XKR9: variants seen among roughly 807,000 people sequenced by gnomAD.
XKR9 encodes XK-related protein 9.
XKR9 carries 32 observed loss-of-function variants against 32.0 expected under a neutral mutation model. The observed-to-expected ratio is 1.00, with a 90% confidence interval of 0.76 to 1.34. The LOEUF (loss-of-function observed/expected upper bound fraction) is 1.34. Among genes scored for constraint, XKR9 ranks in the 40% most tolerant of loss-of-function variants. The probability of loss-of-function intolerance (pLI) is 0.00; values close to 1 mark genes in which losing one functional copy is unlikely to be tolerated. For missense variants in XKR9, 546 were observed against 429.7 expected, an observed-to-expected ratio of 1.27 and a Z score of -2.39; for synonymous variants, 168 against 143.4, an observed-to-expected ratio of 1.17 and a Z score of -1.22.
At chr8:70,773,041 T>G (rs1807474755) in intron 2 of XKR9, among the ~76,000 whole-genome samples, 1 of 152,218 alleles carries the variant, frequency 6.6e-6, no homozygotes, top group South Asian at 2.1e-4. Flanking sequence ...TGTAGATGTA[T>G]ATTTGTGATA....
At chr8:70,977,119 T>C in the XKR9 span, among the ~76,000 whole-genome samples, 2 of 152,204 alleles carry the variant, frequency 1.3e-5, no homozygotes, top group African/African-American at 4.8e-5. Flanking sequence ...TTCTTCTTTG[T>C]TAGTCTTGCT....
the XKR9 span, among the ~76,000 whole-genome samples, chr8:71,003,331 A>G: frequency 6.6e-6 from 1 of 152,240 alleles, no homozygotes; most frequent in Admixed American, 6.5e-5. Flanking sequence ...AATAACGAGC[A>G]ATTCTTCAAC....
chr8:70,922,954 C>T, the XKR9 span, among the ~76,000 whole-genome samples: 684 of 152,314 alleles, frequency 4.5e-3, 4 homozygotes, highest in African/African-American at 0.015. Flanking sequence ...GATCAACTAA[C>T]GATTAAGATA....
chr8:70,996,290 A>G, the XKR9 span, among the ~76,000 whole-genome samples: 1 of 152,174 alleles, frequency 6.6e-6, no homozygotes, highest in Non-Finnish European at 1.5e-5. Flanking sequence ...GTGTTATAAA[A>G]ATTATGTAAC....
chr8:70,721,472 G>C (rs1376304016), intron 4 of XKR9, among the ~76,000 whole-genome samples: 1 of 152,028 alleles, frequency 6.6e-6, no homozygotes, highest in Admixed American at 6.6e-5. Context: ...CACTGTTTTA[G>C]CTGTGTCCCA....
the XKR9 span, among the ~76,000 whole-genome samples, chr8:70,815,805 G>T: frequency 1.3e-5 from 2 of 152,036 alleles, no homozygotes; most frequent in Non-Finnish European, 2.9e-5. Flanking sequence ...GATTACAGTC[G>T]TGAGCTACTG....
At chr8:70,963,533 G>A in the XKR9 span, among the ~76,000 whole-genome samples, 1 of 152,156 alleles carries the variant, frequency 6.6e-6, no homozygotes, top group African/African-American at 2.4e-5. Context: ...GATCTTTGAG[G>A]AATAGCCACA....
chr8:71,065,579 A>G, the XKR9 span, among the ~76,000 whole-genome samples: 125 of 152,362 alleles, frequency 8.2e-4, 3 homozygotes, highest in South Asian at 7.7e-3. Flanking sequence ...TCTCTATTTA[A>G]ACTAAAAGAG....
At chr8:70,788,178 T>C (rs1012748181) in intron 2 of XKR9, among the ~76,000 whole-genome samples, 1 of 152,108 alleles carries the variant, frequency 6.6e-6, no homozygotes, top group Non-Finnish European at 1.5e-5. Flanking sequence ...CACAGTTTCC[T>C]GTGGTAAATA....
At chr8:70,950,531 A>G in the XKR9 span, among the ~76,000 whole-genome samples, 1 of 152,146 alleles carries the variant, frequency 6.6e-6, no homozygotes. Flanking sequence ...GAACAGAGCC[A>G]TGGGCAGGTG....
chr8:71,052,484 A>G, the XKR9 span, among the ~76,000 whole-genome samples: 1 of 151,994 alleles, frequency 6.6e-6, no homozygotes, highest in Admixed American at 6.6e-5. Context: ...GGAATCCAGG[A>G]CTCTGACATT....
At chr8:70,729,731 T>A (rs1275061011) in intron 4 of XKR9, among the ~76,000 whole-genome samples, 1 of 152,206 alleles carries the variant, frequency 6.6e-6, no homozygotes, top group Admixed American at 6.5e-5. Flanking sequence ...TGACATCATA[T>A]ACTAAGTCAT....
chr8:70,792,617 G>A (rs1248000745), downstream of XKR9, among the ~76,000 whole-genome samples: 4 of 152,212 alleles, frequency 2.6e-5, no homozygotes, highest in African/African-American at 7.2e-5. Context: ...AGGGCTTTAA[G>A]GAGCCTGACA....
At chr8:70,909,996 C>T in the XKR9 span, among the ~76,000 whole-genome samples, 1 of 151,888 alleles carries the variant, frequency 6.6e-6, no homozygotes, top group Non-Finnish European at 1.5e-5. Context: ...GCATGAGGCA[C>T]CATGACCGGC....
chr8:70,699,656 G>T (rs1313818211), intron 3 of XKR9, among the ~76,000 whole-genome samples: 1 of 152,036 alleles, frequency 6.6e-6, no homozygotes, highest in Admixed American at 6.6e-5. Flanking sequence ...TGACAATTAC[G>T]TGTCTTGGAG....
chr8:70,748,742 T>C (rs1231682729), intron 2 of XKR9, among the ~76,000 whole-genome samples: 1 of 152,184 alleles, frequency 6.6e-6, no homozygotes, highest in South Asian at 2.1e-4. Flanking sequence ...AGGCTGTCAG[T>C]TCTGGGTAGA....
chr8:70,745,508 T>G (rs1807046500), intron 2 of XKR9, among the ~76,000 whole-genome samples: 1 of 152,114 alleles, frequency 6.6e-6, no homozygotes, highest in Admixed American at 6.5e-5. Context: ...TCTCCTGGAG[T>G]GCTTATTGAA....
At chr8:71,026,388 T>G in the XKR9 span, among the ~76,000 whole-genome samples, 1 of 152,202 alleles carries the variant, frequency 6.6e-6, no homozygotes, top group Non-Finnish European at 1.5e-5. Context: ...CATACAAAAT[T>G]ATCGAGCATC....
chr8:70,715,778 G>A (rs1300759636), intron 4 of XKR9, among the ~76,000 whole-genome samples: 1 of 152,148 alleles, frequency 6.6e-6, no homozygotes, highest in Non-Finnish European at 1.5e-5. Flanking sequence ...AACCTTAACA[G>A]TGAAATTAAA....
Sources: gnomAD v4.1 joint callset for allele counts (sites outside exome capture counted in the v4.1 genomes callset) on GRCh38, gnomAD v4.1.1 for gene constraint, MANE v1.5 for transcripts, NCBI Gene and HGNC (gene_info 2026-07-23, HGNC 2026-07-21) for gene names.